TMEM181: variants seen among roughly 807,000 people sequenced by gnomAD.
TMEM181 encodes transmembrane protein 181.
In TMEM181, 39 loss-of-function variants were observed where a neutral mutation model predicts 71.9. The observed-to-expected ratio is 0.54, with a 90% CI of 0.42 to 0.71. The LOEUF is 0.71. Among genes scored for constraint, TMEM181 ranks in the 30% least tolerant of loss-of-function variants. The probability of loss-of-function intolerance (pLI) is 0.00; values close to 1 mark genes in which losing one functional copy is unlikely to be tolerated. For synonymous variants in TMEM181, 245 were observed against 228.8 expected (o/e 1.07, Z -0.64); for missense variants, 595 against 583.0 (o/e 1.02, Z -0.21).
intron 5 of TMEM181, among the ~76,000 whole-genome samples, chr6:158,587,281 G>A (rs532363851): frequency 3.9e-5 from 6 of 152,306 alleles, no homozygotes; most frequent in South Asian, 2.1e-4. Flanking sequence ...TGTGCCCGCC[G>A]TGCTGTGCAT....
At chr6:158,615,891 TGTA>T (rs1190051383) in intron 10 of TMEM181, among the ~76,000 whole-genome samples, 2 of 152,322 alleles carry the variant, frequency 1.3e-5, no homozygotes, top group Admixed American at 1.3e-4. Flanking sequence ...ACTGTAGCCT[TGTA>T]GTATAGTTTA....
rs1357936013 is a variant in TMEM181, at chr6:158,634,288, C to T, written c.*2400C>T. 6.6e-6 allele frequency: 1 copy of T among 152,210 alleles called. No individual in the cohort carries two copies. Among genetic ancestry groups the T allele is most frequent in the Non-Finnish European group, 1.5e-5 (1 of 68,044 alleles). 9.4% of individuals were successfully genotyped at this position (152,210 alleles called of 1,614,324 possible). A position where few individuals can be genotyped will look rare whatever the true frequency, so the allele number is the denominator to read the frequency against. On this transcript the variant is annotated 3_prime_UTR_variant, in exon 17 of 17. Coordinates refer to ENST00000684151, the MANE Select transcript of TMEM181 (RefSeq NM_001376852.1). ...GTAAAATTTTGCTTAAACTCTCTAG[C>T]ACTTGGCATGTAGAATATGTACCAT... is the stretch of plus-strand genomic sequence containing the variant.
rs2128317674 is a variant in TMEM181, at chr6:158,608,673, T to C, written c.819T>C (p.Cys273=). The C allele has an allele frequency of 1.2e-6, 2 of 1,610,144 alleles. No homozygotes were observed. Among genetic ancestry groups the C allele is most frequent in the East Asian group, 2.2e-5 (1 of 44,882 alleles). ...HGIRVQGERK[C]LTFYLPKFFI... is the part of the protein sequence containing the mutation. ...TTTCTTTTTAGGGAGAAAGAAAGTG[T>C]TTAACTTTCTATTTGCCTAAATTCT... is the stretch of plus-strand genomic sequence containing the variant. Residue 273 remains cysteine (C), a synonymous_variant, in exon 10 of 17, where the codon TGT becomes TGC. Coordinates refer to ENST00000684151, the MANE Select transcript of TMEM181 (RefSeq NM_001376852.1).
intron 1 of TMEM181, among the ~76,000 whole-genome samples, chr6:158,567,467 A>G (rs1346540815): frequency 6.6e-6 from 1 of 152,214 alleles, no homozygotes; most frequent in African/African-American, 2.4e-5. Context: ...TGTAGTGCAG[A>G]CTGCATCTGT....
In TMEM181 at chr6:158,605,281, C is replaced by A; in HGVS notation, c.507C>A (p.Asn169Lys). 1.2e-6 allele frequency: 2 copies of A among 1,613,796 alleles called. No individual in the cohort carries two copies. Among genetic ancestry groups the A allele is most frequent in the South Asian group, 2.2e-5 (2 of 91,070 alleles). The change falls in exon 7 of 17, where the codon AAC becomes AAA. Residue 169 changes from asparagine to lysine, a missense_variant. Transcript: ENST00000684151. ...KGMNFTWKTY[N>K]PAFSRLEIWF... is the part of the protein sequence containing the mutation. ...TTCTATTTTAGTGGAAGACTTATAA[C>A]CCTGCCTTCTCCCGGTTGGAAATCT...
At chr6:158,582,505 A>G (rs1468059287) in intron 3 of TMEM181, among the ~76,000 whole-genome samples, 1 of 152,058 alleles carries the variant, frequency 6.6e-6, no homozygotes, top group Non-Finnish European at 1.5e-5. Flanking sequence ...TCTCTACAAC[A>G]AATTTAAAAA....
At chr6:158,537,644 C>T (rs1781174663) in intron 1 of TMEM181, among the ~76,000 whole-genome samples, 1 of 152,176 alleles carries the variant, frequency 6.6e-6, no homozygotes, top group Non-Finnish European at 1.5e-5. Context: ...TATCGCGAGT[C>T]GGTAGAAAGC....
intron 5 of TMEM181, among the ~76,000 whole-genome samples, chr6:158,587,309 A>G (rs1377946654): frequency 6.6e-6 from 1 of 152,250 alleles, no homozygotes; most frequent in Middle Eastern, 3.4e-3. Flanking sequence ...ATGGCCCTTC[A>G]GCGCATCTTC....
At chr6:158,610,638 G>T in intron 10 of TMEM181, 1 of 318,480 alleles carries the variant, frequency 3.1e-6, no homozygotes, top group South Asian at 7.1e-5. Flanking sequence ...CTGGAGAAGT[G>T]AAATGAGTGA....
chr6:158,598,981 A>G (rs977093311), intron 6 of TMEM181, among the ~76,000 whole-genome samples: 1 of 152,176 alleles, frequency 6.6e-6, no homozygotes, highest in African/African-American at 2.4e-5. Flanking sequence ...GTTTTTAAAC[A>G]TGGGGACCCA....
intron 4 of TMEM181, 89 bp downstream of exon 4, chr6:158,584,133 A>G (rs1156429496): frequency 1.9e-5 from 22 of 1,130,668 alleles, no homozygotes; most frequent in South Asian, 1.5e-4. Flanking sequence ...CAGACAAGCA[A>G]GTGCTCAAAG....
chr6:158,554,875 CAT>C (rs1198571427), intron 1 of TMEM181, among the ~76,000 whole-genome samples: 1 of 152,212 alleles, frequency 6.6e-6, no homozygotes. Flanking sequence ...AACCTGTTCA[CAT>C]GTCTGAACTT....
rs1261486188 is a variant in TMEM181, at chr6:158,605,129, AAAGTGTGTG to A, written c.493-137_493-129del. 15 of 394,352 alleles carry A rather than the reference AAAGTGTGTG, an allele frequency of 3.8e-5. 1 individual carries two copies. The Admixed American group carries it at 5.4e-4, about 14-fold the overall frequency. The allele number at this position is 394,352 out of a possible 1,614,324, so 24.4% of individuals were successfully genotyped here. A position where few individuals can be genotyped will look rare whatever the true frequency, so the allele number is the denominator to read the frequency against. On this transcript the variant is annotated intron_variant, in intron 6 of 16. Transcript: ENST00000684151. ...ACTCCATATCCAAAAAAAAAAAAAA[AAAGTGTGTG>A]TGTGTGTGTGTGTGTGTGTGTATGT...
At chr6:158,556,842 A>C (rs1196339434), upstream of TMEM181, among the ~76,000 whole-genome samples, 4 of 151,940 alleles carry the variant, frequency 2.6e-5, no homozygotes, top group African/African-American at 7.3e-5. Flanking sequence ...GGCTCACTGT[A>C]ACCTCTGCCT....
intron 1 of TMEM181, among the ~76,000 whole-genome samples, chr6:158,571,466 A>G (rs1411471033): frequency 1.7e-5 from 2 of 115,492 alleles, no homozygotes; most frequent in Non-Finnish European, 3.7e-5. Context: ...CTGGCTGCTA[A>G]TTTTTGTATT....
chr6:158,610,572 G>C (rs981626516), intron 10 of TMEM181: 2 of 431,824 alleles, frequency 4.6e-6, no homozygotes, highest in Non-Finnish European at 7.6e-6. Context: ...CAAGGACACA[G>C]AGGCATCTCC....
intron 1 of TMEM181, among the ~76,000 whole-genome samples, chr6:158,561,245 T>G (rs1782156650): frequency 6.6e-6 from 1 of 152,260 alleles, no homozygotes; most frequent in African/African-American, 2.4e-5. Context: ...CAGAGAGATC[T>G]GTTTTTCCTT....
At chr6:158,566,463 GTGAGGGAGGTGATGGTGAGCTCC>G (rs530654657) in intron 1 of TMEM181, among the ~76,000 whole-genome samples, 17,175 of 139,096 alleles carry the variant, frequency 0.12, 1,412 homozygotes, top group Middle Eastern at 0.18. Flanking sequence ...GGAGGTGATG[GTGAGGGAGGTGATGGTGAGCTCC>G]TGAGGGAGGT....
At chr6:158,564,736 T>G (rs1782389393) in intron 1 of TMEM181, among the ~76,000 whole-genome samples, 1 of 152,212 alleles carries the variant, frequency 6.6e-6, no homozygotes, top group African/African-American at 2.4e-5. Context: ...GGGAACTGTT[T>G]ACTTGCCTGC....
Sources: gnomAD v4.1 joint callset for allele counts (sites outside exome capture counted in the v4.1 genomes callset) on GRCh38, gnomAD v4.1.1 for gene constraint, MANE v1.5 for transcripts, NCBI Gene and HGNC (gene_info 2026-07-23, HGNC 2026-07-21) for gene names.